The following PPFIA2 variants were observed in gnomAD, a reference collection of about 807,000 sequenced individuals.
PPFIA2 encodes liprin-alpha-2.
In PPFIA2, 46 loss-of-function variants were observed where a neutral mutation model predicts 175.5. The observed-to-expected ratio is 0.26, with a 90% CI of 0.21 to 0.34. PPFIA2 has a LOEUF of 0.34. Among genes scored for constraint, PPFIA2 ranks in the 10% least tolerant of loss-of-function variants. The pLI is 1.00. For missense variants in PPFIA2, 1,179 were observed against 1,506.1 expected, an observed-to-expected ratio of 0.78 and a Z score of 3.60; for synonymous variants, 568 against 511.4, an observed-to-expected ratio of 1.11 and a Z score of -1.49.
At position 81,642,818 on chromosome 12, in the gene PPFIA2, ATGTATATGTATGTATGTAT is replaced by A. The variant is rs766228288; in HGVS notation, c.303+33954_303+33972del. 2.9e-3 allele frequency among the ~76,000 whole-genome samples: 324 copies of A among 110,472 alleles called. 33 individuals carry two copies. The highest frequency in any genetic ancestry group is 0.012 in the Middle Eastern group (1 of 82). The allele number at this position is 110,472 out of a possible 152,430, so 72.5% of individuals were successfully genotyped here. On this transcript the variant is annotated intron_variant, in intron 4 of 32. Coordinates refer to ENST00000549396, the MANE Select transcript of PPFIA2 (RefSeq NM_003625.5). ...GTATATGTATGTATGTATTACATACATGTATATGTATGTATGTATTACATACATATATAACATGTATTAC... is the reference window on the plus strand; with the variant it reads ...GTATATGTATGTATGTATTACATACATACATACATATATAACATGTATTAC...
chr12:81,692,111 C>CAG (rs1448026702), intron 3 of PPFIA2, among the ~76,000 whole-genome samples: 4 of 149,144 alleles, frequency 2.7e-5, no homozygotes, highest in African/African-American at 9.8e-5. Context: ...CAAACACAGA[C>CAG]ACACACACAC....
chr12:81,470,042 T>G (rs2056453254), intron 4 of PPFIA2, among the ~76,000 whole-genome samples: 1 of 152,204 alleles, frequency 6.6e-6, no homozygotes, highest in South Asian at 2.1e-4. Flanking sequence ...CTTTGTTGAT[T>G]AAGCCATCCA....
At chr12:81,470,120 C>T (rs1333655916) in intron 4 of PPFIA2, among the ~76,000 whole-genome samples, 2 of 152,194 alleles carry the variant, frequency 1.3e-5, no homozygotes, top group African/African-American at 2.4e-5. Flanking sequence ...GTTTACACTT[C>T]GAGTAGTATC....
chr12:81,606,977 G>C (rs1283793552), intron 4 of PPFIA2, among the ~76,000 whole-genome samples: 1 of 151,990 alleles, frequency 6.6e-6, no homozygotes, highest in East Asian at 1.9e-4. Flanking sequence ...TCCATCTCTA[G>C]TTAATTTTTA....
At chr12:81,406,377 AG>A (rs2042936626) in intron 7 of PPFIA2, among the ~76,000 whole-genome samples, 1 of 152,154 alleles carries the variant, frequency 6.6e-6, no homozygotes, top group South Asian at 2.1e-4. Context: ...ATTTAATATA[AG>A]CAGACACACA....
At chr12:81,302,851 A>G (rs1168542352) in intron 22 of PPFIA2, among the ~76,000 whole-genome samples, 2 of 152,192 alleles carry the variant, frequency 1.3e-5, no homozygotes, top group African/African-American at 2.4e-5. Flanking sequence ...GAGACAAGCA[A>G]TGCTAGAAAA....
intron 3 of PPFIA2, among the ~76,000 whole-genome samples, chr12:81,686,640 T>C (rs2074457645): frequency 6.6e-6 from 1 of 152,122 alleles, no homozygotes; most frequent in African/African-American, 2.4e-5. Flanking sequence ...ATCATCTTCT[T>C]TATCAGCCAT....
At chr12:81,505,134 T>C (rs967551292) in intron 4 of PPFIA2, among the ~76,000 whole-genome samples, 1 of 152,076 alleles carries the variant, frequency 6.6e-6, no homozygotes, top group Non-Finnish European at 1.5e-5. Context: ...GTAATCAGTA[T>C]TTTTGACAAG....
chr12:81,364,966 A>T (rs929171057), intron 14 of PPFIA2, among the ~76,000 whole-genome samples: 7 of 151,628 alleles, frequency 4.6e-5, no homozygotes, highest in African/African-American at 1.7e-4. Context: ...GTGAGAATAG[A>T]CTGGCATGTT....
At chr12:81,720,925 G>C (rs2079234142) in intron 3 of PPFIA2, among the ~76,000 whole-genome samples, 1 of 151,122 alleles carries the variant, frequency 6.6e-6, no homozygotes, top group Non-Finnish European at 1.5e-5. Flanking sequence ...AATATTCCAT[G>C]TTCAAAAGCA....
Position 81,677,491 on chromosome 12 carries a change from A to T in PPFIA2, c.250-647T>A, listed in dbSNP as rs558206732. 3.3e-5 allele frequency among the ~76,000 whole-genome samples: 5 copies of T among 151,934 alleles called. No individual in the cohort carries two copies. The East Asian group carries it at 9.7e-4, about 30-fold the overall frequency. ...AATATTAACCAAATCTTCTTTTTTC[A>T]CCACCTCCCAACTAGCCTTCCCAGT... On this transcript the variant is annotated intron_variant, in intron 3 of 32. Coordinates refer to ENST00000549396, the MANE Select transcript of PPFIA2 (RefSeq NM_003625.5).
intron 4 of PPFIA2, among the ~76,000 whole-genome samples, chr12:81,647,827 T>A (rs1265155842): frequency 1.4e-5 from 2 of 141,164 alleles, no homozygotes; most frequent in Admixed American, 7.6e-5. Flanking sequence ...AAATATATAG[T>A]ATATATAATA....
intron 6 of PPFIA2, among the ~76,000 whole-genome samples, chr12:81,444,739 T>C (rs952895951): frequency 2.0e-5 from 3 of 152,112 alleles, no homozygotes; most frequent in Non-Finnish European, 4.4e-5. Context: ...TAGATATAAC[T>C]GGGAAATAAT....
intron 4 of PPFIA2, among the ~76,000 whole-genome samples, chr12:81,592,386 A>G (rs1166408159): frequency 2.0e-5 from 3 of 152,154 alleles, no homozygotes; most frequent in East Asian, 1.9e-4. Flanking sequence ...TGGTTTTAAA[A>G]TGTGAGAACA....
intron 4 of PPFIA2, among the ~76,000 whole-genome samples, chr12:81,504,840 T>C (rs997265996): frequency 6.6e-6 from 1 of 152,184 alleles, no homozygotes; most frequent in Non-Finnish European, 1.5e-5. Context: ...TCATATCCTT[T>C]GCAGGGACAT....
rs1555549584 is a variant in PPFIA2, at chr12:81,642,738, T to TATATATTATATACATACATGTACGTGC, written c.303+34052_303+34053insGCACGTACATGTATGTATATAATATAT. Among the ~76,000 whole-genome samples, 4 of 47,626 alleles carry TATATATTATATACATACATGTACGTGC rather than the reference T, an allele frequency of 8.4e-5. 1 individual carries two copies. Among genetic ancestry groups the TATATATTATATACATACATGTACGTGC allele is most frequent in the African/African-American group, 2.6e-4 (4 of 15,112 alleles). The allele number at this position is 47,626 out of a possible 152,430, so 31.2% of individuals were successfully genotyped here. ...TGTATTATATACATACATGTATATG[T>TATATATTATATACATACATGTACGTGC]ATGTATGTATTATATACATACATGT... On this transcript the variant is annotated intron_variant, in intron 4 of 32. Transcript: ENST00000549396.
intron 8 of PPFIA2, among the ~76,000 whole-genome samples, chr12:81,397,282 G>C (rs1048431960): frequency 3.9e-5 from 6 of 151,918 alleles, no homozygotes; most frequent in African/African-American, 1.5e-4. Context: ...AAGAAGAGAA[G>C]AAACTGGGAG....
At chr12:81,688,486 CCTAT>C (rs776513348) in intron 3 of PPFIA2, among the ~76,000 whole-genome samples, 6 of 151,606 alleles carry the variant, frequency 4.0e-5, no homozygotes, top group African/African-American at 1.2e-4. Flanking sequence ...TAGATCTTCT[CCTAT>C]CTGACACAAA....
At chr12:81,452,766 A>G (rs2052841906) in intron 5 of PPFIA2, among the ~76,000 whole-genome samples, 1 of 152,074 alleles carries the variant, frequency 6.6e-6, no homozygotes, top group Non-Finnish European at 1.5e-5. Flanking sequence ...TTTAGTAGTG[A>G]TGGGTGTCTA....
Sources: allele counts gnomAD v4.1 joint callset (sites outside exome capture counted in the v4.1 genomes callset), GRCh38; gene constraint gnomAD v4.1.1; transcripts MANE v1.5; gene names NCBI Gene and HGNC (gene_info 2026-07-23, HGNC 2026-07-21).